The following WDR33 variants were observed in gnomAD, a reference collection of about 807,000 sequenced individuals.
WDR33 encodes the protein WD repeat domain 33, also known as pre-mRNA 3' end processing protein WDR33.
A neutral mutation model predicts 164.9 loss-of-function variants in WDR33; 47 were observed. That is an observed-to-expected ratio of 0.29 (90% CI 0.23 to 0.36). The LOEUF is 0.36. WDR33 is among the 10% of genes least tolerant of loss of function. The pLI is 1.00. For missense variants in WDR33, 1,137 were observed against 1,754.1 expected (o/e 0.65, Z 6.28); for synonymous variants, 505 against 589.0 (o/e 0.86, Z 2.06).
chr2:127,791,639 G>A (rs1407582367), intron 1 of WDR33, among the ~76,000 whole-genome samples: 1 of 152,022 alleles, frequency 6.6e-6, no homozygotes, highest in Non-Finnish European at 1.5e-5. Context: ...TCACACTGGG[G>A]GTTACTACTT....
chr2:127,779,712 C>T (rs1688305936), intron 1 of WDR33, among the ~76,000 whole-genome samples: 1 of 152,170 alleles, frequency 6.6e-6, no homozygotes, highest in Non-Finnish European at 1.5e-5. Context: ...ACTGCATATC[C>T]ATAGCCAAAG....
At chr2:127,739,341 T>C (rs935239038) in intron 7 of WDR33, among the ~76,000 whole-genome samples, 4 of 151,768 alleles carry the variant, frequency 2.6e-5, no homozygotes, top group African/African-American at 7.3e-5. Flanking sequence ...TCGACTATGA[T>C]TTCCCCCCCG....
At chr2:127,808,180 GA>G (rs572725661) in intron 1 of WDR33, among the ~76,000 whole-genome samples, 12 of 151,332 alleles carry the variant, frequency 7.9e-5, no homozygotes, top group East Asian at 1.9e-4. Context: ...ATCACAGAAA[GA>G]AAAAAAATGT....
chr2:127,782,571 T>C (rs1258828035), intron 1 of WDR33, among the ~76,000 whole-genome samples: 1 of 152,178 alleles, frequency 6.6e-6, no homozygotes, highest in Admixed American at 6.6e-5. Context: ...ATCTATCTGT[T>C]CTGCATCCAT....
Position 127,735,605 on chromosome 2 carries a change from G to A in WDR33, c.725-8828C>T. 1 of 985,778 alleles carries A rather than the reference G, an allele frequency of 1.0e-6. No individual in the cohort carries two copies. Among genetic ancestry groups the A allele is most frequent in the Non-Finnish European group, 1.2e-6 (1 of 829,892 alleles). 61.1% of individuals were successfully genotyped at this position (985,778 alleles called of 1,614,324 possible). On this transcript the variant is annotated intron_variant, in intron 7 of 21. Coordinates refer to ENST00000322313, the MANE Select transcript of WDR33 (RefSeq NM_018383.5). This position sits in a 1 kb window ranked among gnomAD's most constrained non-coding sequence, Gnocchi z 4.3. ...TAACAGAACTGTTACTCAAGAAAAT[G>A]TGTTAAACATTAACAGCAAACTCAG...
intron 1 of WDR33, among the ~76,000 whole-genome samples, chr2:127,785,093 A>G (rs1452210571): frequency 6.6e-6 from 1 of 152,204 alleles, no homozygotes; most frequent in African/African-American, 2.4e-5. Flanking sequence ...ATTTTCAAAA[A>G]AAATATTTGT....
At chr2:127,758,828 G>T in intron 7 of WDR33, among the ~76,000 whole-genome samples, 1 of 152,120 alleles carries the variant, frequency 6.6e-6, no homozygotes. Context: ...TTTAACGATT[G>T]TGAAAATATC....
intron 7 of WDR33, among the ~76,000 whole-genome samples, chr2:127,753,753 G>A (rs527644276): frequency 1.8e-4 from 28 of 152,022 alleles, no homozygotes; most frequent in Non-Finnish European, 3.7e-4. Flanking sequence ...ATTCAGGACT[G>A]CATCTATTTT....
chr2:127,800,721 T>C (rs917256693), intron 1 of WDR33, among the ~76,000 whole-genome samples: 3 of 151,408 alleles, frequency 2.0e-5, no homozygotes, highest in African/African-American at 7.3e-5. Context: ...AATAAAACCA[T>C]AGACTTTACA....
At chr2:127,791,442 G>A (rs1040747307) in intron 1 of WDR33, among the ~76,000 whole-genome samples, 2 of 152,128 alleles carry the variant, frequency 1.3e-5, no homozygotes, top group African/African-American at 4.8e-5. Context: ...GAAGCTGGAA[G>A]TCCAAGATCA....
chr2:127,726,562 T>C lies in WDR33; in HGVS notation c.851+89A>G. 2 of 1,522,438 alleles carry C rather than the reference T, an allele frequency of 1.3e-6. No individual in the cohort carries two copies. Among genetic ancestry groups the C allele is most frequent in the East Asian group, 2.3e-5 (1 of 44,090 alleles). 94.3% of individuals were successfully genotyped at this position (1,522,438 alleles called of 1,614,324 possible). ...GTTGCCTAAATGACTCTTCCAGAAA[T>C]ACATAAGAGAAAACAAAGCTAAAAG... On this transcript the variant is annotated intron_variant, in intron 8 of 21. Transcript: ENST00000322313. This position sits in a 1 kb window ranked among gnomAD's most constrained non-coding sequence, Gnocchi z 4.8.
chr2:127,751,876 G>C lies in WDR33; in HGVS notation c.724+11186C>G, dbSNP rs540755209. ...CAGACCCACATCTGCTATGTCACAG[G>C]TAAGGTTTCGGCTCCTACCCTCCAA... On this transcript the variant is annotated intron_variant, in intron 7 of 21. Coordinates refer to ENST00000322313, the MANE Select transcript of WDR33 (RefSeq NM_018383.5). Among the ~76,000 whole-genome samples the C allele has an allele frequency of 2.0e-4, 31 of 152,200 alleles. 1 individual carries two copies. In the South Asian group the frequency reaches 6.2e-3, roughly 31 times the overall value.
rs573605067 is a variant in WDR33, at chr2:127,701,388, G to C, written c.*4935C>G. ...GGACACCACAAAAGTCCGCAGAGCA[G>C]GCACCGCGGCACTTCCGCGAGCGCC... On this transcript the variant is annotated 3_prime_UTR_variant, in exon 22 of 22. Coordinates refer to ENST00000322313, the MANE Select transcript of WDR33 (RefSeq NM_018383.5). 1 of 806,376 alleles carries C rather than the reference G, an allele frequency of 1.2e-6. No individual in the cohort carries two copies. The highest frequency in any genetic ancestry group is 6.0e-5 in the South Asian group (1 of 16,588). The allele number at this position is 806,376 out of a possible 1,614,324, so 50.0% of individuals were successfully genotyped here.
At position 127,722,548 on chromosome 2, in the gene WDR33, C is replaced by A; in HGVS notation, c.1518+43G>T. 6.3e-7 allele frequency: 1 copy of A among 1,596,870 alleles called. No individual in the cohort carries two copies. The highest frequency in any genetic ancestry group is 8.5e-7 in the Non-Finnish European group (1 of 1,173,120). On this transcript the variant is annotated intron_variant, in intron 14 of 21. Transcript: ENST00000322313. The surrounding 1 kb of genome is among the most constrained non-coding windows in gnomAD (Gnocchi z 5.1). ...CAAGAGAAACCTCAAACTAACCAAC[C>A]AAAACCTCTCTGCGTGGATGAGGTG...
intron 1 of WDR33, among the ~76,000 whole-genome samples, chr2:127,782,280 C>T (rs1688399388): frequency 6.6e-6 from 1 of 151,812 alleles, no homozygotes. Context: ...AAGTTGCGCA[C>T]ATCTGTAATA....
chr2:127,752,839 T>C (rs1445719941), intron 7 of WDR33, among the ~76,000 whole-genome samples: 4 of 152,246 alleles, frequency 2.6e-5, no homozygotes, highest in South Asian at 2.1e-4. Context: ...TGATAGCACA[T>C]TGGCCACAGC....
At chr2:127,800,809 T>C (rs1193433284) in intron 1 of WDR33, among the ~76,000 whole-genome samples, 1 of 152,146 alleles carries the variant, frequency 6.6e-6, no homozygotes, top group East Asian at 1.9e-4. Flanking sequence ...GAAACTTTAT[T>C]AAAGCTATTT....
rs1558937037 is a variant in WDR33 at position 127,750,717 on chromosome 2, TGTATGCATAC to T, written c.724+12335_724+12344del. On this transcript the variant is annotated intron_variant, in intron 7 of 21. Coordinates refer to ENST00000322313, the MANE Select transcript of WDR33 (RefSeq NM_018383.5). ...ATATATATATATATATATATATGTA[TGTATGCATAC>T]ATATATATGTATGCATACATATATA... 6.2e-5 allele frequency among the ~76,000 whole-genome samples: 4 copies of T among 64,716 alleles called. No homozygotes were observed. The East Asian group carries it at 1.6e-3, about 26-fold the overall frequency. The allele number at this position is 64,716 out of a possible 152,430, so 42.5% of individuals were successfully genotyped here.
chr2:127,810,659 A>G (rs1689618361), intron 1 of WDR33: 1 of 152,010 alleles, frequency 6.6e-6, no homozygotes, highest in Non-Finnish European at 1.5e-5. Flanking sequence ...AACTACTTCA[A>G]CTCGGCCCAC....
Sources: allele counts gnomAD v4.1 joint callset (sites outside exome capture counted in the v4.1 genomes callset), GRCh38; gene constraint gnomAD v4.1.1; non-coding constraint Gnocchi (gnomAD v3.1); transcripts MANE v1.5; gene names NCBI Gene and HGNC (gene_info 2026-07-23, HGNC 2026-07-21).